FBXO11: variants seen among roughly 807,000 people sequenced by gnomAD.
The protein encoded by FBXO11 is F-box only protein 11.
A neutral mutation model predicts 117.0 loss-of-function variants in FBXO11; 13 were observed. That is an observed-to-expected ratio of 0.11 (90% CI 0.07 to 0.18). The LOEUF (loss-of-function observed/expected upper bound fraction) is 0.18. Among genes scored for constraint, FBXO11 ranks in the 10% least tolerant of loss-of-function variants. FBXO11 has a pLI of 1.00. For missense variants in FBXO11, 767 were observed against 1,164.4 expected (o/e 0.66, Z 4.97); for synonymous variants, 490 against 380.5 (o/e 1.29, Z -3.35).
At chr2:47,820,218 C>A in intron 14 of FBXO11, 144 bp downstream of exon 14, 1 of 467,176 alleles carries the variant, frequency 2.1e-6, no homozygotes, top group South Asian at 6.1e-5. Flanking sequence ...AGAAGAAGAA[C>A]GTTATTTTTG....
intron 1 of FBXO11, among the ~76,000 whole-genome samples, chr2:47,860,713 G>C (rs562273586): frequency 4.0e-5 from 6 of 149,424 alleles, no homozygotes; most frequent in Non-Finnish European, 3.0e-5. Context: ...AGCCTACCCT[G>C]GGTTATTAAC....
intron 19 of FBXO11, 87 bp from the exon 20 acceptor site, chr2:47,809,794 C>T: frequency 1.2e-6 from 1 of 817,382 alleles, no homozygotes; most frequent in Non-Finnish European, 2.0e-6. Flanking sequence ...TAAACTGCTT[C>T]TTTTATAGAA....
At chr2:47,833,719 T>A (rs1332743637) in intron 7 of FBXO11, among the ~76,000 whole-genome samples, 2 of 152,350 alleles carry the variant, frequency 1.3e-5, no homozygotes, top group East Asian at 3.9e-4. Flanking sequence ...AAATTCTATT[T>A]CAGTTCCTTT....
At chr2:47,891,005 G>C (rs1215990524) in intron 1 of FBXO11, among the ~76,000 whole-genome samples, 2 of 142,412 alleles carry the variant, frequency 1.4e-5, no homozygotes, top group Non-Finnish European at 3.1e-5. Flanking sequence ...AATTTTTTTT[G>C]TAGAGATGGA....
At chr2:47,851,954 G>T (rs1558442252) in intron 1 of FBXO11, among the ~76,000 whole-genome samples, 1 of 151,486 alleles carries the variant, frequency 6.6e-6, no homozygotes, top group Non-Finnish European at 1.5e-5. Flanking sequence ...TTGGGCAGGG[G>T]CCATGCTAAT....
At chr2:47,901,277 T>C (rs1678282458) in intron 1 of FBXO11, among the ~76,000 whole-genome samples, 1 of 151,158 alleles carries the variant, frequency 6.6e-6, no homozygotes, top group Non-Finnish European at 1.5e-5. Context: ...TAGCTCAGAG[T>C]AGAAATGAAT....
At chr2:47,896,124 C>T (rs535567588) in intron 1 of FBXO11, among the ~76,000 whole-genome samples, 1 of 152,170 alleles carries the variant, frequency 6.6e-6, no homozygotes, top group Non-Finnish European at 1.5e-5. Flanking sequence ...ACAATCCTCA[C>T]CCCAAAATTA....
At chr2:47,888,568 G>A (rs923341458) in intron 1 of FBXO11, 6 of 470,104 alleles carry the variant, frequency 1.3e-5, no homozygotes, top group African/African-American at 1.1e-4. Flanking sequence ...GAAAAAAATA[G>A]CTGAGCAACC....
intron 1 of FBXO11, among the ~76,000 whole-genome samples, chr2:47,860,589 T>C (rs774983758): frequency 1.3e-5 from 2 of 151,962 alleles, no homozygotes; most frequent in Non-Finnish European, 2.9e-5. Flanking sequence ...TGTATTTTAG[T>C]AGAGACAGGG....
chr2:47,867,598 G>T (rs775778001), intron 1 of FBXO11, among the ~76,000 whole-genome samples: 2 of 152,196 alleles, frequency 1.3e-5, no homozygotes, highest in Non-Finnish European at 2.9e-5. Flanking sequence ...TAGTGATATA[G>T]ATTTGAGAAA....
chr2:47,823,127 AATT>A lies in FBXO11; in HGVS notation c.1616+13_1616+15del. 6.4e-7 allele frequency: 1 copy of A among 1,560,030 alleles called. No homozygotes were observed. Among genetic ancestry groups the A allele is most frequent in the Non-Finnish European group, 8.7e-7 (1 of 1,145,248 alleles). On this transcript the variant is annotated intron_variant, in intron 12 of 22. Coordinates refer to ENST00000403359, the MANE Select transcript of FBXO11 (RefSeq NM_001190274.2). The stretch of plus-strand genomic sequence containing the variant: ...AAGTGAAAAAGTAATTTTCACCCAT[AATT>A]ATATGTAAATACCTTATTGTTGGGT...
At chr2:47,897,577 A>C (rs780408319) in intron 1 of FBXO11, among the ~76,000 whole-genome samples, 23 of 151,936 alleles carry the variant, frequency 1.5e-4, no homozygotes, top group Non-Finnish European at 1.8e-4. Flanking sequence ...TGCACCTATA[A>C]TCCCAGCTAC....
rs766401172 is a variant in FBXO11 at position 47,838,844 on chromosome 2, T to C, written c.587+15A>G. 3 of 1,604,818 alleles carry C rather than the reference T, an allele frequency of 1.9e-6. No individual in the cohort carries two copies. The highest frequency in any genetic ancestry group is 2.6e-6 in the Non-Finnish European group (3 of 1,174,642). On this transcript the variant is annotated intron_variant, in intron 4 of 22. Coordinates refer to ENST00000403359, the MANE Select transcript of FBXO11 (RefSeq NM_001190274.2). The stretch of plus-strand genomic sequence containing the variant: ...TAACATATCTCAAGTTAATAAGGAA[T>C]AGGTTTTTACTTACCACAAAATTGG...
At chr2:47,819,620 C>G (rs1335687198) in intron 14 of FBXO11, among the ~76,000 whole-genome samples, 1 of 152,166 alleles carries the variant, frequency 6.6e-6, no homozygotes, top group African/African-American at 2.4e-5. Context: ...GTAGTAGTAG[C>G]ATTCAATTTT....
At chr2:47,817,215 T>C (rs1283059060) in intron 16 of FBXO11, among the ~76,000 whole-genome samples, 1 of 152,238 alleles carries the variant, frequency 6.6e-6, no homozygotes, top group Non-Finnish European at 1.5e-5. Context: ...CAACCTCTGC[T>C]AGCTTCAAAC....
chr2:47,864,768 G>A (rs948078621), intron 1 of FBXO11, among the ~76,000 whole-genome samples: 1 of 152,132 alleles, frequency 6.6e-6, no homozygotes, highest in African/African-American at 2.4e-5. Context: ...TATGAATTAG[G>A]TATTTTCACC....
intron 1 of FBXO11, among the ~76,000 whole-genome samples, chr2:47,873,792 A>T (rs1675796969): frequency 6.6e-6 from 1 of 152,154 alleles, no homozygotes; most frequent in Non-Finnish European, 1.5e-5. Flanking sequence ...TGTTACTGTA[A>T]CATGATTTCA....
At chr2:47,838,690 T>C (rs1179336013) in intron 4 of FBXO11, among the ~76,000 whole-genome samples, 169 bp downstream of exon 4, 1 of 152,220 alleles carries the variant, frequency 6.6e-6, no homozygotes, top group Non-Finnish European at 1.5e-5. Flanking sequence ...GATTTATAAA[T>C]ACCACCTGGA....
chr2:47,820,287 A>G, intron 14 of FBXO11, 75 bp downstream of exon 14: 1 of 1,156,486 alleles, frequency 8.6e-7, no homozygotes, highest in South Asian at 1.5e-5. Flanking sequence ...GGCCTACCTA[A>G]AAGCTTGAGG....
Sources: gnomAD v4.1 joint callset for allele counts (sites outside exome capture counted in the v4.1 genomes callset) on GRCh38, gnomAD v4.1.1 for gene constraint, MANE v1.5 for transcripts, NCBI Gene and HGNC (gene_info 2026-07-23, HGNC 2026-07-21) for gene names.